The following NEBL variants were observed in gnomAD, a reference collection of about 807,000 sequenced individuals.
The protein encoded by NEBL is LIM and SH3 protein 2.
In NEBL, 122 loss-of-function variants were observed where a neutral mutation model predicts 140.2. That is an observed-to-expected ratio of 0.87 (90% confidence interval 0.75 to 1.01). The LOEUF (loss-of-function observed/expected upper bound fraction) is 1.01, where lower values mean the gene tolerates loss of function less well. NEBL is among the 50% of genes least tolerant of loss of function. The pLI is 0.00. For missense variants in NEBL, 1,365 were observed against 1,231.3 expected, an observed-to-expected ratio of 1.11 and a Z score of -1.62; for synonymous variants, 436 against 398.9, an observed-to-expected ratio of 1.09 and a Z score of -1.11.
At chr10:20,989,719 T>C (rs1343310654) in intron 3 of NEBL, among the ~76,000 whole-genome samples, 1 of 152,230 alleles carries the variant, frequency 6.6e-6, no homozygotes, top group African/African-American at 2.4e-5. Context: ...ATTTGATTTA[T>C]GACCATTATA....
chr10:21,239,234 CAT>C (rs997440617), intron 3 of NEBL, among the ~76,000 whole-genome samples: 13 of 152,120 alleles, frequency 8.5e-5, no homozygotes, highest in Admixed American at 3.3e-4. Context: ...AGGTGGCAAA[CAT>C]AGTGCATTTT....
chr10:21,288,599 A>G (rs566288128), intron 1 of NEBL, among the ~76,000 whole-genome samples: 1 of 150,770 alleles, frequency 6.6e-6, no homozygotes, highest in African/African-American at 2.4e-5. Flanking sequence ...CGTCTCTACT[A>G]AAAATACAAA....
intron 1 of NEBL, among the ~76,000 whole-genome samples, chr10:21,275,588 T>C (rs1345587218): frequency 6.6e-6 from 1 of 152,108 alleles, no homozygotes; most frequent in Non-Finnish European, 1.5e-5. Flanking sequence ...CCATGTGTCT[T>C]GTTTGCTTTT....
At chr10:21,028,924 T>G in intron 2 of NEBL, 1 of 459,154 alleles carries the variant, frequency 2.2e-6, no homozygotes, top group Non-Finnish European at 3.8e-6. Flanking sequence ...ATTTTTAAAT[T>G]CCACTAAAAA....
intron 2 of NEBL, among the ~76,000 whole-genome samples, chr10:21,061,680 G>T (rs1173346731): frequency 6.6e-6 from 1 of 151,816 alleles, no homozygotes; most frequent in Non-Finnish European, 1.5e-5. Flanking sequence ...AGAGACCCTG[G>T]GAAAAAAGAA....
At chr10:21,280,095 C>T (rs1039277532) in intron 1 of NEBL, among the ~76,000 whole-genome samples, 5 of 152,112 alleles carry the variant, frequency 3.3e-5, no homozygotes, top group African/African-American at 1.2e-4. Context: ...TTGAGGCTGC[C>T]TAGAACCCAA....
At chr10:21,035,847 C>T (rs1833994141) in intron 2 of NEBL, among the ~76,000 whole-genome samples, 1 of 151,890 alleles carries the variant, frequency 6.6e-6, no homozygotes, top group African/African-American at 2.4e-5. Flanking sequence ...CATACAGAGA[C>T]AGGAAGAAAG....
At chr10:21,252,970 A>G (rs879866049) in intron 1 of NEBL, among the ~76,000 whole-genome samples, 1 of 152,102 alleles carries the variant, frequency 6.6e-6, no homozygotes, top group Non-Finnish European at 1.5e-5. Context: ...AAGCAAATAA[A>G]TAAGGCAGAG....
chr10:21,014,102 G>A (rs1589136757), intron 3 of NEBL, among the ~76,000 whole-genome samples: 1 of 152,096 alleles, frequency 6.6e-6, no homozygotes. Context: ...TGTTGCAGTT[G>A]TAATTTTTCC....
intron 4 of NEBL, among the ~76,000 whole-genome samples, chr10:20,903,994 C>T (rs1445012249): frequency 6.6e-6 from 1 of 151,566 alleles, no homozygotes; most frequent in African/African-American, 2.4e-5. Flanking sequence ...ACCACTTGTA[C>T]CCCCAAAAAC....
At chr10:21,022,480 T>C (rs548034105) in intron 2 of NEBL, among the ~76,000 whole-genome samples, 1 of 152,352 alleles carries the variant, frequency 6.6e-6, no homozygotes, top group Non-Finnish European at 1.5e-5. Context: ...AAAATGTACA[T>C]GCAATTCTCA....
intron 10 of NEBL, 66 bp downstream of exon 10, chr10:20,852,479 G>A (rs935889318): frequency 3.7e-5 from 37 of 1,000,170 alleles, no homozygotes; most frequent in African/African-American, 6.3e-5. Context: ...GGCAGTGAGC[G>A]GCGGGCCTCA....
At chr10:21,109,287 G>A (rs1399833043) in intron 2 of NEBL, among the ~76,000 whole-genome samples, 4 of 152,114 alleles carry the variant, frequency 2.6e-5, no homozygotes, top group African/African-American at 9.7e-5. Context: ...TTCTGTTTAT[G>A]TGATGGATTA....
chr10:21,151,228 G>A (rs1403662779), intron 2 of NEBL, among the ~76,000 whole-genome samples: 2 of 152,156 alleles, frequency 1.3e-5, no homozygotes, highest in Non-Finnish European at 2.9e-5. Context: ...CGCACACCAT[G>A]TAATTCACCC....
chr10:21,077,537 G>A (rs553154342), intron 2 of NEBL, among the ~76,000 whole-genome samples: 1 of 152,158 alleles, frequency 6.6e-6, no homozygotes, highest in Admixed American at 6.5e-5. Flanking sequence ...AACCTGGGAG[G>A]TGGAGCTTGC....
At chr10:21,142,690 C>T (rs1017383121) in intron 2 of NEBL, among the ~76,000 whole-genome samples, 3 of 152,126 alleles carry the variant, frequency 2.0e-5, no homozygotes, top group African/African-American at 4.8e-5. Flanking sequence ...GGGCGGCAGA[C>T]GGTATGGCGA....
intron 3 of NEBL, among the ~76,000 whole-genome samples, chr10:21,016,178 T>C (rs1272039449): frequency 6.6e-6 from 1 of 152,264 alleles, no homozygotes; most frequent in Non-Finnish European, 1.5e-5. Flanking sequence ...TCCTTCCCTC[T>C]CTTCCTCTTG....
rs561268369 is a variant in NEBL, at chr10:21,077,556, G to A, written c.165-57355C>T. On this transcript the variant is annotated intron_variant, in intron 2 of 6. Coordinates refer to the NEBL transcript ENST00000417816. The stretch of plus-strand genomic sequence containing the variant: ...TGGGAGGTGGAGCTTGCAGTGAGCC[G>A]AGATGGCACCACTGCACTCCAGCCT... 1.9e-4 allele frequency among the ~76,000 whole-genome samples: 29 copies of A among 152,066 alleles called. No homozygotes were observed. In the South Asian group the frequency reaches 2.3e-3, roughly 12 times the overall value.
intron 2 of NEBL, among the ~76,000 whole-genome samples, chr10:21,095,389 A>T (rs530879364): frequency 3.9e-4 from 60 of 152,356 alleles, no homozygotes; most frequent in Non-Finnish European, 5.1e-4. Flanking sequence ...AAAGATGGCC[A>T]GGACCAACTA....
Sources: gnomAD v4.1 joint callset for allele counts (sites outside exome capture counted in the v4.1 genomes callset) on GRCh38, gnomAD v4.1.1 for gene constraint, MANE v1.5 for transcripts, NCBI Gene and HGNC (gene_info 2026-07-23, HGNC 2026-07-21) for gene names.